The following TBX5 variants were observed in gnomAD, a reference collection of about 807,000 sequenced individuals.
TBX5 encodes T-box transcription factor 5.
In TBX5, 8 loss-of-function variants were observed where a neutral mutation model predicts 51.1. The ratio of observed to expected loss-of-function variants is 0.16; its 90% CI spans 0.09 to 0.28. The LOEUF is 0.28. Ranked by LOEUF, TBX5 falls within the 10% of genes least tolerant of loss-of-function variation. The pLI is 1.00. For synonymous variants in TBX5, 302 were observed against 266.4 expected (o/e 1.13, Z -1.30); for missense variants, 589 against 671.7 (o/e 0.88, Z 1.36).
intron 6 of TBX5, among the ~76,000 whole-genome samples, chr12:114,389,466 G>A (rs1871025089): frequency 6.6e-6 from 1 of 151,848 alleles, no homozygotes; most frequent in South Asian, 2.1e-4. Context: ...ATTTAAAAGT[G>A]GATGAAGGCC....
At chr12:114,398,420 G>A (rs896556682) in intron 5 of TBX5, among the ~76,000 whole-genome samples, 153 bp downstream of exon 5, 1 of 152,174 alleles carries the variant, frequency 6.6e-6, no homozygotes, top group Non-Finnish European at 1.5e-5. Flanking sequence ...GATCAAGAAG[G>A]TAGAGGCAGA....
chr12:114,404,998 C>T (rs1872111990), intron 1 of TBX5, among the ~76,000 whole-genome samples: 1 of 152,234 alleles, frequency 6.6e-6, no homozygotes, highest in Non-Finnish European at 1.5e-5. Flanking sequence ...AGCCTGTCTC[C>T]TGCTCTCTGA....
In TBX5 at chr12:114,403,782, C is replaced by G. The variant is rs149030937; in HGVS notation, c.117G>C (p.Pro39=). The G allele has an allele frequency of 6.2e-7, 1 of 1,613,730 alleles. No individual in the cohort carries two copies. Among genetic ancestry groups the G allele is most frequent in the East Asian group, 2.2e-5 (1 of 44,862 alleles). The change falls in exon 2 of 9, where the codon CCG becomes CCC. Residue 39 remains proline (P), a synonymous_variant. Transcript: ENST00000405440. ...GGGTGAAGGCGGCCTGCGGGGACGA[C>G]GGGGACTTGCTGGGGGCCCCGAGCG... The part of the protein sequence containing the change: ...ESALGAPSKS[P]SSPQAAFTQQ...
intron 7 of TBX5, among the ~76,000 whole-genome samples, chr12:114,384,159 A>G (rs1382676987): frequency 1.3e-5 from 2 of 152,244 alleles, no homozygotes; most frequent in Non-Finnish European, 2.9e-5. Flanking sequence ...AGCCACAAAA[A>G]GTACCTTGTG....
At chr12:114,396,145 C>CGCGG (rs1871406781) in intron 5 of TBX5, among the ~76,000 whole-genome samples, 1 of 151,768 alleles carries the variant, frequency 6.6e-6, no homozygotes, top group Non-Finnish European at 1.5e-5. Context: ...GGAGGCGAGC[C>CGCGG]GCGGCCGGGG....
chr12:114,375,195 C>T (rs772642625), intron 7 of TBX5, among the ~76,000 whole-genome samples: 1 of 152,198 alleles, frequency 6.6e-6, no homozygotes, highest in Non-Finnish European at 1.5e-5. Context: ...ACGTGTTCAT[C>T]TGCATTCTCT....
chr12:114,372,909 T>C (rs761497972), intron 7 of TBX5, among the ~76,000 whole-genome samples: 1 of 151,070 alleles, frequency 6.6e-6, no homozygotes, highest in Non-Finnish European at 1.5e-5. Flanking sequence ...AAAATGGGGA[T>C]AATAAAATAG....
intron 1 of TBX5, among the ~76,000 whole-genome samples, chr12:114,405,315 T>C (rs1319824420): frequency 6.6e-6 from 1 of 152,094 alleles, no homozygotes; most frequent in Admixed American, 6.5e-5. Flanking sequence ...CGCGCTCCCA[T>C]TCACTGCCGG....
At chr12:114,384,745 AAC>A in intron 7 of TBX5, among the ~76,000 whole-genome samples, 1 of 115,240 alleles carries the variant, frequency 8.7e-6, no homozygotes, top group Non-Finnish European at 1.9e-5. Context: ...ACACACACAC[AAC>A]ACACACACAC....
chr12:114,386,432 A>G (rs1005082094), intron 6 of TBX5, among the ~76,000 whole-genome samples: 8 of 152,240 alleles, frequency 5.3e-5, no homozygotes, highest in African/African-American at 1.9e-4. Flanking sequence ...TAGAGAACAT[A>G]GAGAATCATG....
At chr12:114,398,011 G>A (rs1321106528) in intron 5 of TBX5, among the ~76,000 whole-genome samples, 1 of 152,134 alleles carries the variant, frequency 6.6e-6, no homozygotes, top group East Asian at 1.9e-4. Flanking sequence ...TGGGCTAGGA[G>A]GTCCATATTT....
At position 114,376,188 on chromosome 12, in the gene TBX5, C is replaced by T. The variant is rs79924117; in HGVS notation, c.755+9288G>A. Among the ~76,000 whole-genome samples the T allele has an allele frequency of 8.1e-3, 1,238 of 152,090 alleles. 19 individuals carry two copies. The highest frequency in any genetic ancestry group is 0.032 in the South Asian group (154 of 4,824). On this transcript the variant is annotated intron_variant, in intron 7 of 8. Transcript: ENST00000405440. ...ATCTACACTCCCATGATCATTGCAG[C>T]ACGATTCAAAAGAGCCAACATATGG...
chr12:114,404,394 G>A (rs531905746), intron 1 of TBX5, among the ~76,000 whole-genome samples: 106 of 152,174 alleles, frequency 7.0e-4, no homozygotes, highest in African/African-American at 2.3e-3. Context: ...AGATGCCGTC[G>A]AAACTCTTTT....
intron 8 of TBX5, 85 bp from the exon 9 acceptor site, chr12:114,356,191 G>T: frequency 7.7e-7 from 1 of 1,297,264 alleles, no homozygotes; most frequent in Non-Finnish European, 1.1e-6. Flanking sequence ...CCAAAGTACT[G>T]AAGAATAAGT....
At position 114,405,767 on chromosome 12, in the gene TBX5, G is replaced by T; in HGVS notation, c.-178C>A. 1.0e-6 allele frequency: 1 copy of T among 985,522 alleles called. No homozygotes were observed. The highest frequency in any genetic ancestry group is 4.7e-5 in the South Asian group (1 of 21,286). The allele number at this position is 985,522 out of a possible 1,614,324, so 61.0% of individuals were successfully genotyped here. ...CTTACCCAGAATAGCGGCTACTGCT[G>T]CCTACTAGGGCGCACCTACCGCTGG... On this transcript the variant is annotated 5_prime_UTR_variant, in exon 1 of 9. Coordinates refer to ENST00000405440, the MANE Select transcript of TBX5 (RefSeq NM_181486.4).
chr12:114,401,678 TCTCTC>T (rs1213437045), intron 3 of TBX5, 143 bp downstream of exon 3: 16 of 750,156 alleles, frequency 2.1e-5, no homozygotes, highest in East Asian at 8.0e-5. Flanking sequence ...TTTCGCTCTC[TCTCTC>T]CTCTCCTCTC....
At chr12:114,405,536 G>A (rs1872155478) in intron 1 of TBX5, 92 bp downstream of exon 1, 2 of 206,530 alleles carry the variant, frequency 9.7e-6, no homozygotes, top group Non-Finnish European at 8.5e-6. Context: ...AGAATGCAAA[G>A]CCGGGCTGGA....
chr12:114,360,300 C>T (rs576182120), intron 8 of TBX5, among the ~76,000 whole-genome samples: 27 of 141,036 alleles, frequency 1.9e-4, no homozygotes, highest in Non-Finnish European at 3.4e-4. Flanking sequence ...GCTCAGCCAA[C>T]ATGAAAAGGT....
intron 6 of TBX5, 141 bp downstream of exon 6, chr12:114,394,600 G>A: frequency 8.9e-7 from 1 of 1,129,390 alleles, no homozygotes; most frequent in Non-Finnish European, 1.3e-6. Context: ...CTGCAGCTTT[G>A]TCCCCACCCC....
Sources: allele counts gnomAD v4.1 joint callset (sites outside exome capture counted in the v4.1 genomes callset), GRCh38; gene constraint gnomAD v4.1.1; transcripts MANE v1.5; gene names NCBI Gene and HGNC (gene_info 2026-07-23, HGNC 2026-07-21).